Variants in CERS3 observed in about 807,000 individuals in gnomAD.
The protein encoded by CERS3 is LAG1 homolog, ceramide synthase 3.
A neutral mutation model predicts 50.3 loss-of-function variants in CERS3; 33 were observed. The observed-to-expected ratio is 0.66, with a 90% CI of 0.50 to 0.88. The LOEUF (loss-of-function observed/expected upper bound fraction) is 0.88. CERS3 is among the 40% of genes least tolerant of loss of function. CERS3 has a pLI of 0.00. For missense variants in CERS3, 470 were observed against 460.3 expected (o/e 1.02, Z -0.19); for synonymous variants, 176 against 155.2 (o/e 1.13, Z -0.99).
chr15:100,544,346 T>TCTC (rs2037285600), intron 1 of CERS3: 1 of 152,712 alleles, frequency 6.5e-6, no homozygotes, highest in African/African-American at 2.4e-5. Flanking sequence ...ACGGGGACTC[T>TCTC]GGGCCTTGAC....
At position 100,487,275 on chromosome 15, in the gene CERS3, G is replaced by C. The variant is rs1436490699; in HGVS notation, c.289-2607C>G. ...CTCCTTTGGAAGTCAGTGCATGACA[G>C]GCACAAAGTTAATGGTACAAATAAT... On this transcript the variant is annotated intron_variant, in intron 4 of 11. Coordinates refer to ENST00000679737, the MANE Select transcript of CERS3 (RefSeq NM_001378789.1). 2.0e-5 allele frequency among the ~76,000 whole-genome samples: 3 copies of C among 152,190 alleles called. No individual in the cohort carries two copies. The East Asian group carries it at 5.8e-4, about 29-fold the overall frequency.
At chr15:100,532,325 TAC>T (rs1194991956), upstream of CERS3, among the ~76,000 whole-genome samples, 1 of 152,198 alleles carries the variant, frequency 6.6e-6, no homozygotes, top group African/African-American at 2.4e-5. Context: ...ACTTAACATA[TAC>T]AGTTTTTGCC....
chr15:100,424,636 C>G (rs1340674124), intron 11 of CERS3, among the ~76,000 whole-genome samples: 1 of 152,186 alleles, frequency 6.6e-6, no homozygotes, highest in Non-Finnish European at 1.5e-5. Flanking sequence ...TTTAGGGTAT[C>G]TGGTAGAAGA....
rs769880622 is a variant in CERS3 at position 100,479,971 on chromosome 15, T to C, written c.465+18A>G. 2 of 1,576,916 alleles carry C rather than the reference T, an allele frequency of 1.3e-6. No homozygotes were observed. The highest frequency in any genetic ancestry group is 1.7e-6 in the Non-Finnish European group (2 of 1,151,926). ...ATTAAAGACAAATTCCAATCGAAGA[T>C]ATAAAAAGATAACTTACATCATAAA... On this transcript the variant is annotated intron_variant, in intron 6 of 11. Transcript: ENST00000679737.
chr15:100,402,970 C>A, intron 11 of CERS3, 105 bp from the exon 12 acceptor site: 1 of 1,139,770 alleles, frequency 8.8e-7, no homozygotes, highest in Non-Finnish European at 1.2e-6. Context: ...AAGGAAAACC[C>A]AATATCCAAA....
intron 11 of CERS3, among the ~76,000 whole-genome samples, chr15:100,411,531 T>C (rs2031491046): frequency 6.6e-6 from 1 of 152,202 alleles, no homozygotes; most frequent in Admixed American, 6.5e-5. Context: ...TTTATCCAAT[T>C]GTCTCTCAAT....
At chr15:100,409,261 G>A (rs1342474505) in intron 11 of CERS3, among the ~76,000 whole-genome samples, 5 of 152,084 alleles carry the variant, frequency 3.3e-5, no homozygotes, top group Non-Finnish European at 1.5e-5. Context: ...CCTAATAAAT[G>A]ATTGTTTCCT....
At chr15:100,488,204 C>T (rs142187539) in intron 4 of CERS3, among the ~76,000 whole-genome samples, 1,702 of 152,290 alleles carry the variant, frequency 0.011, 54 homozygotes, top group Admixed American at 0.062. Flanking sequence ...CCATGTTATG[C>T]CCTTCTGTGC....
chr15:100,463,491 G>C (rs1347299837), intron 10 of CERS3, among the ~76,000 whole-genome samples: 4 of 150,298 alleles, frequency 2.7e-5, no homozygotes, highest in African/African-American at 9.8e-5. Flanking sequence ...TAAAAGGATT[G>C]GACTACATTA....
intron 3 of CERS3, among the ~76,000 whole-genome samples, chr15:100,501,389 A>G (rs1016894548): frequency 6.6e-6 from 1 of 152,214 alleles, no homozygotes; most frequent in Non-Finnish European, 1.5e-5. Flanking sequence ...CCGTATTGTC[A>G]TTGATACCAA....
Position 100,490,949 on chromosome 15 carries a change from G to T in CERS3, c.174-18C>A, listed in dbSNP as rs1385406403. On this transcript the variant is annotated intron_variant, in intron 3 of 11. Coordinates refer to ENST00000679737, the MANE Select transcript of CERS3 (RefSeq NM_001378789.1). Reference sequence around the variant, plus strand: ...CAACAAATCTACAAAAATATGAAAAGAAAAAAAGTTCAAAATCTAAGAATA... The same window carrying T: ...CAACAAATCTACAAAAATATGAAAATAAAAAAAGTTCAAAATCTAAGAATA... 1.4e-6 allele frequency: 2 copies of T among 1,445,496 alleles called. No individual in the cohort carries two copies. Among genetic ancestry groups the T allele is most frequent in the Admixed American group, 2.0e-5 (1 of 51,216 alleles). 89.5% of individuals were successfully genotyped at this position (1,445,496 alleles called of 1,614,324 possible). A position where few individuals can be genotyped will look rare whatever the true frequency, so the allele number is the denominator to read the frequency against.
At chr15:100,527,179 C>G (rs1400455291) in intron 1 of CERS3, among the ~76,000 whole-genome samples, 2 of 152,110 alleles carry the variant, frequency 1.3e-5, no homozygotes, top group Admixed American at 6.5e-5. Context: ...TGCCTATACT[C>G]CCAGCTACTT....
At chr15:100,460,683 G>A (rs572030058) in intron 10 of CERS3, among the ~76,000 whole-genome samples, 5 of 152,244 alleles carry the variant, frequency 3.3e-5, no homozygotes, top group African/African-American at 7.2e-5. Flanking sequence ...TCCAAAGGCC[G>A]TGGCCAGGAC....
intron 5 of CERS3, among the ~76,000 whole-genome samples, chr15:100,482,041 C>T (rs2035317907): frequency 6.6e-6 from 1 of 152,088 alleles, no homozygotes; most frequent in Non-Finnish European, 1.5e-5. Context: ...ACAGTAAATA[C>T]CAATAGGTAT....
intron 3 of CERS3, among the ~76,000 whole-genome samples, chr15:100,492,248 T>A (rs1377255375): frequency 6.6e-6 from 1 of 152,210 alleles, no homozygotes; most frequent in Non-Finnish European, 1.5e-5. Context: ...GTCTTCTATT[T>A]CCCTGTTGAT....
intron 11 of CERS3, among the ~76,000 whole-genome samples, chr15:100,450,930 G>A (rs1051632151): frequency 3.9e-5 from 6 of 152,136 alleles, no homozygotes; most frequent in African/African-American, 1.4e-4. Flanking sequence ...GAACCTGTTA[G>A]CCAAGAATTC....
chr15:100,529,007 C>A (rs1405425039), upstream of CERS3: 7 of 152,148 alleles, frequency 4.6e-5, no homozygotes, highest in African/African-American at 1.7e-4. Flanking sequence ...CAGTCAGTGA[C>A]GTGAGGCGAA....
intron 2 of CERS3, among the ~76,000 whole-genome samples, chr15:100,506,461 A>ACTCC (rs1555533150): frequency 9.9e-5 from 3 of 30,444 alleles, no homozygotes; most frequent in South Asian, 1.3e-3. Context: ...AGAAATCGGG[A>ACTCC]CCCCCCCGCC....
Position 100,466,737 on chromosome 15 carries a change from T to TTTCCTTCC in CERS3, c.845+2633_845+2640dup, listed in dbSNP as rs1197426230. Among the ~76,000 whole-genome samples the TTTCCTTCC allele has an allele frequency of 9.1e-3, 678 of 74,272 alleles. 46 individuals are homozygous for TTTCCTTCC. Among genetic ancestry groups the TTTCCTTCC allele is most frequent in the African/African-American group, 0.021 (391 of 18,934 alleles). 48.7% of individuals were successfully genotyped at this position (74,272 alleles called of 152,430 possible). ...CTGATTTTCTTATCTTCTTTCCTTC[T>TTTCCTTCC]TTCCTTCCTTCCTTCCTTCCTTCCT... On this transcript the variant is annotated intron_variant, in intron 10 of 11. Transcript: ENST00000679737.
Sources: gnomAD v4.1 joint callset for allele counts (sites outside exome capture counted in the v4.1 genomes callset) on GRCh38, gnomAD v4.1.1 for gene constraint, MANE v1.5 for transcripts, NCBI Gene and HGNC (gene_info 2026-07-23, HGNC 2026-07-21) for gene names.